ANKS1B: variants seen among roughly 807,000 people sequenced by gnomAD.
ANKS1B encodes the protein ankyrin repeat and sterile alpha motif domain-containing protein 1B.
A neutral mutation model predicts 148.3 loss-of-function variants in ANKS1B; 36 were observed. That is an observed-to-expected ratio of 0.24 (90% CI 0.19 to 0.32). ANKS1B has a LOEUF of 0.32. Ranked by LOEUF, ANKS1B falls within the 10% of genes least tolerant of loss-of-function variation. The pLI, the probability that ANKS1B is intolerant of heterozygous loss-of-function variation, is 1.00. For missense variants in ANKS1B, 1,157 were observed against 1,542.6 expected (o/e 0.75, Z 4.19); for synonymous variants, 542 against 560.8 (o/e 0.97, Z 0.47).
At chr12:98,845,567 T>G (rs760277084) in intron 17 of ANKS1B, among the ~76,000 whole-genome samples, 1 of 152,200 alleles carries the variant, frequency 6.6e-6, no homozygotes, top group Non-Finnish European at 1.5e-5. Context: ...ATATACCTAG[T>G]GCAGAAATGA....
chr12:98,870,302 T>C (rs2099650583), intron 17 of ANKS1B, among the ~76,000 whole-genome samples: 1 of 152,166 alleles, frequency 6.6e-6, no homozygotes, highest in African/African-American at 2.4e-5. Flanking sequence ...AGTGGAAGGG[T>C]TCACTAGCAG....
At chr12:99,357,506 G>A (rs1285929329) in intron 12 of ANKS1B, among the ~76,000 whole-genome samples, 1 of 152,116 alleles carries the variant, frequency 6.6e-6, no homozygotes, top group African/African-American at 2.4e-5. Flanking sequence ...TCATCTGGGT[G>A]TTGGGTGGAT....
At chr12:99,962,524 T>C (rs1177935155) in intron 1 of ANKS1B, among the ~76,000 whole-genome samples, 1 of 152,216 alleles carries the variant, frequency 6.6e-6, no homozygotes, top group East Asian at 1.9e-4. Flanking sequence ...CGTGTGCATG[T>C]ACCTTTATAG....
chr12:98,990,566 G>A (rs57567769), intron 17 of ANKS1B, among the ~76,000 whole-genome samples: 1,272 of 116,856 alleles, frequency 0.011, 14 homozygotes, highest in African/African-American at 0.036. Context: ...GAGAGAGAGA[G>A]AAAAAAAAAA....
chr12:99,581,921 A>T (rs2097574729), intron 9 of ANKS1B, among the ~76,000 whole-genome samples: 2 of 151,490 alleles, frequency 1.3e-5, no homozygotes, highest in South Asian at 4.2e-4. Flanking sequence ...AAAAAGAAAA[A>T]AGAAAATGAA....
At chr12:99,124,276 G>A (rs1338250179) in intron 15 of ANKS1B, among the ~76,000 whole-genome samples, 1 of 152,152 alleles carries the variant, frequency 6.6e-6, no homozygotes, top group Non-Finnish European at 1.5e-5. Context: ...TCAGACTCTG[G>A]ATGTTTTTAG....
chr12:99,416,566 T>C (rs576249130), intron 11 of ANKS1B, among the ~76,000 whole-genome samples: 1 of 152,372 alleles, frequency 6.6e-6, no homozygotes, highest in South Asian at 2.1e-4. Flanking sequence ...TATCTCATTG[T>C]GGTTTTACTT....
At chr12:98,865,775 T>C (rs1330922971) in intron 17 of ANKS1B, among the ~76,000 whole-genome samples, 2 of 152,014 alleles carry the variant, frequency 1.3e-5, no homozygotes, top group Admixed American at 1.3e-4. Context: ...ACAAATCACT[T>C]TGGGTCAAGG....
chr12:99,399,918 T>C (rs1156819487), intron 11 of ANKS1B, 107 bp from the exon 12 acceptor site: 5 of 1,068,208 alleles, frequency 4.7e-6, no homozygotes, highest in Non-Finnish European at 7.0e-6. Flanking sequence ...TTAAAAACTA[T>C]CTGGGTTTTA....
intron 1 of ANKS1B, among the ~76,000 whole-genome samples, chr12:99,851,320 C>T (rs1182761517): frequency 6.6e-6 from 1 of 152,078 alleles, no homozygotes; most frequent in Non-Finnish European, 1.5e-5. Context: ...CTGCCTCATA[C>T]TCCCTCATTC....
rs192329050 is a variant in ANKS1B at position 99,556,340 on chromosome 12, G to A, written c.1273-51699C>T. On this transcript the variant is annotated intron_variant, in intron 9 of 26. Coordinates refer to ENST00000683438, the MANE Select transcript of ANKS1B (RefSeq NM_001352186.2). ...TCTCTCTTTTTTTCTTTAGTATTCC[G>A]GCTAGTGGGTCTATCAAACTTATTT... Among the ~76,000 whole-genome samples, 906 of 151,766 alleles carry A rather than the reference G, an allele frequency of 6.0e-3. 4 individuals are homozygous for A. The highest frequency in any genetic ancestry group is 0.014 in the Middle Eastern group (4 of 294).
At chr12:99,202,765 G>A (rs1352767890) in intron 14 of ANKS1B, among the ~76,000 whole-genome samples, 4 of 152,098 alleles carry the variant, frequency 2.6e-5, no homozygotes, top group Admixed American at 6.6e-5. Flanking sequence ...TACAATTTGG[G>A]CTAGGCTCAG....
chr12:98,789,454 C>G (rs2098828634), intron 22 of ANKS1B, among the ~76,000 whole-genome samples: 1 of 152,048 alleles, frequency 6.6e-6, no homozygotes, highest in Admixed American at 6.5e-5. Context: ...CCTATTCTCC[C>G]TCAAATTAAG....
chr12:99,760,041 T>C (rs762604011), intron 8 of ANKS1B, among the ~76,000 whole-genome samples: 63 of 151,878 alleles, frequency 4.1e-4, no homozygotes, highest in Non-Finnish European at 7.5e-4. Flanking sequence ...GTTCAAAACA[T>C]AAAAATTAAA....
rs148608456 is a variant in ANKS1B, at chr12:99,417,541, C to T, written c.1576-17730G>A. Reference sequence around the variant, plus strand: ...TTTTTTAGTTATCCTAGTTACTTTACGTATCTATGCAAATATTAGAATAAT... The same window carrying T: ...TTTTTTAGTTATCCTAGTTACTTTATGTATCTATGCAAATATTAGAATAAT... On this transcript the variant is annotated intron_variant, in intron 11 of 26. Transcript: ENST00000683438. 1.0e-3 allele frequency among the ~76,000 whole-genome samples: 153 copies of T among 152,036 alleles called. 2 individuals carry two copies. The highest frequency in any genetic ancestry group is 6.8e-3 in the Middle Eastern group (2 of 294).
At chr12:99,685,755 T>TAC (rs1450386580) in intron 8 of ANKS1B, among the ~76,000 whole-genome samples, 1 of 151,596 alleles carries the variant, frequency 6.6e-6, no homozygotes, top group Admixed American at 6.6e-5. Flanking sequence ...TACATATATA[T>TAC]ATATACACAC....
At chr12:98,906,426 A>T (rs2099779163) in intron 17 of ANKS1B, among the ~76,000 whole-genome samples, 1 of 152,206 alleles carries the variant, frequency 6.6e-6, no homozygotes, top group Non-Finnish European at 1.5e-5. Context: ...CGAGAGCCCC[A>T]TGTTCCTGGG....
chr12:98,742,926 C>A (rs1364545044), downstream of ANKS1B, among the ~76,000 whole-genome samples: 5 of 152,298 alleles, frequency 3.3e-5, no homozygotes, highest in East Asian at 9.6e-4. Flanking sequence ...TAGTTAGTTA[C>A]CCAACTTTAT....
intron 10 of ANKS1B, among the ~76,000 whole-genome samples, chr12:99,455,720 G>A (rs2095837411): frequency 6.6e-6 from 1 of 151,966 alleles, no homozygotes; most frequent in Admixed American, 6.6e-5. Flanking sequence ...TAACTCCATT[G>A]GCCTGGGAAC....
Sources: gnomAD v4.1 joint callset for allele counts (sites outside exome capture counted in the v4.1 genomes callset) on GRCh38, gnomAD v4.1.1 for gene constraint, MANE v1.5 for transcripts, NCBI Gene and HGNC (gene_info 2026-07-23, HGNC 2026-07-21) for gene names.